The following ALKBH4 variants were observed in gnomAD, a reference collection of about 807,000 sequenced individuals.
The protein encoded by ALKBH4 is alkB homolog 4, lysine demethylase, also known as alpha-ketoglutarate-dependent dioxygenase alkB homolog 4.
A neutral mutation model predicts 12.1 loss-of-function variants in ALKBH4; 8 were observed. The observed-to-expected ratio is 0.66, with a 90% CI of 0.39 to 1.19. The LOEUF (loss-of-function observed/expected upper bound fraction) is 1.19, where lower values mean the gene tolerates loss of function less well. Among genes scored for constraint, ALKBH4 ranks in the 50% most tolerant of loss-of-function variants. The probability of loss-of-function intolerance (pLI) is 0.01; values close to 1 mark genes in which losing one functional copy is unlikely to be tolerated. For missense variants in ALKBH4, 403 were observed against 430.4 expected (o/e 0.94, Z 0.56); for synonymous variants, 195 against 191.6 (o/e 1.02, Z -0.15).
In ALKBH4 at chr7:102,457,029, G is replaced by A. The variant is rs1219938029; in HGVS notation, c.*365C>T. 6 of 170,588 alleles carry A rather than the reference G, an allele frequency of 3.5e-5. No homozygotes were observed. Among genetic ancestry groups the A allele is most frequent in the African/African-American group, 4.7e-5 (2 of 42,198 alleles). The allele number at this position is 170,588 out of a possible 1,614,324, so 10.6% of individuals were successfully genotyped here. A position where few individuals can be genotyped will look rare whatever the true frequency, so the allele number is the denominator to read the frequency against. ...GTTTTTGTAGAGACGGGTTTTCACC[G>A]TGTTGGCCAGGCTGGTCTCGAACTC... On this transcript the variant is annotated 3_prime_UTR_variant, in exon 3 of 3. Coordinates refer to ENST00000292566, the MANE Select transcript of ALKBH4 (RefSeq NM_017621.4). This position sits in a 1 kb window ranked among gnomAD's most constrained non-coding sequence, Gnocchi z 5.9.
Position 102,457,125 on chromosome 7 carries a change from G to A in ALKBH4, c.*269C>T, listed in dbSNP as rs760157754. ...ATTACAGGTGTGAGCCACTGTGCCCGGCCCCCAGTATTTTTTAAGCTCAAA... is the reference window on the plus strand; with the variant it reads ...ATTACAGGTGTGAGCCACTGTGCCCAGCCCCCAGTATTTTTTAAGCTCAAA... On this transcript the variant is annotated 3_prime_UTR_variant, in exon 3 of 3. Coordinates refer to ENST00000292566, the MANE Select transcript of ALKBH4 (RefSeq NM_017621.4). The surrounding 1 kb of genome is among the most constrained non-coding windows in gnomAD (Gnocchi z 5.9). 3.5e-5 allele frequency: 14 copies of A among 395,726 alleles called. No homozygotes were observed. The East Asian group carries it at 4.3e-4, about 12-fold the overall frequency. 24.5% of individuals were successfully genotyped at this position (395,726 alleles called of 1,614,324 possible). A position where few individuals can be genotyped will look rare whatever the true frequency, so the allele number is the denominator to read the frequency against.
chr7:102,464,048 C>G lies in ALKBH4; in HGVS notation c.123+666G>C, dbSNP rs1019332675. 5.1e-4 allele frequency among the ~76,000 whole-genome samples: 78 copies of G among 151,590 alleles called. 1 individual carries two copies. The highest frequency in any genetic ancestry group is 8.9e-4 in the Non-Finnish European group (60 of 67,680). On this transcript the variant is annotated intron_variant, in intron 1 of 2. Transcript: ENST00000292566. ...ATCTGTGATCAGACCTCCCCCCCCC[C>G]ACAACCTCTCCAGCCTCATCTCTCT...
chr7:102,457,480 C>A lies in ALKBH4; in HGVS notation c.823G>T (p.Ala275Ser). 2.5e-6 allele frequency: 4 copies of A among 1,613,490 alleles called. No homozygotes were observed. The highest frequency in any genetic ancestry group is 3.4e-6 in the Non-Finnish European group (4 of 1,180,030). The change falls in exon 3 of 3, where the codon GCT (alanine) becomes TCT (serine). Residue 275 changes from alanine to serine, a missense_variant. Ala to Ser is a moderately conservative substitution (Grantham distance 99). Transcript: ENST00000292566. This position sits in a 1 kb window ranked among gnomAD's most constrained non-coding sequence, Gnocchi z 5.9. ...RVCVTFRELS[A>S]EFGPGGRQQE... The stretch of plus-strand genomic sequence containing the variant: ...TGCCTCCCTCCAGGGCCAAACTCAG[C>A]CGACAGCTCCCGGAAAGTGACGCAG...
chr7:102,457,242 C>G lies in ALKBH4; in HGVS notation c.*152G>C. On this transcript the variant is annotated 3_prime_UTR_variant, in exon 3 of 3. Coordinates refer to ENST00000292566, the MANE Select transcript of ALKBH4 (RefSeq NM_017621.4). This position sits in a 1 kb window ranked among gnomAD's most constrained non-coding sequence, Gnocchi z 5.9. Reference sequence around the variant, plus strand: ...AAGGGGGCTGCCTGGAGGTACGTTCCCATCAAAACCTGCTCCTGGGCAGGG... The same window carrying G: ...AAGGGGGCTGCCTGGAGGTACGTTCGCATCAAAACCTGCTCCTGGGCAGGG... 3 of 860,270 alleles carry G rather than the reference C, an allele frequency of 3.5e-6. No homozygotes were observed. Among genetic ancestry groups the G allele is most frequent in the Non-Finnish European group, 5.3e-6 (3 of 569,670 alleles). 53.3% of individuals were successfully genotyped at this position (860,270 alleles called of 1,614,324 possible).
intron 2 of ALKBH4, 39 bp downstream of exon 2, chr7:102,459,565 C>T (rs528236868): frequency 5.9e-5 from 93 of 1,581,876 alleles, no homozygotes; most frequent in Middle Eastern, 5.1e-4. Flanking sequence ...GTCTCCTCAG[C>T]GCAGCCCAGC....
intron 1 of ALKBH4, among the ~76,000 whole-genome samples, chr7:102,463,625 C>T (rs753502678): frequency 6.6e-6 from 1 of 152,154 alleles, no homozygotes; most frequent in Non-Finnish European, 1.5e-5. Context: ...CCACTGAACC[C>T]GGCCCAGGTA....
intron 2 of ALKBH4, 38 bp downstream of exon 2, chr7:102,459,566 G>A (rs746720284): frequency 8.2e-6 from 13 of 1,581,662 alleles, no homozygotes; most frequent in South Asian, 2.3e-5. Flanking sequence ...TCTCCTCAGC[G>A]CAGCCCAGCA....
intron 1 of ALKBH4, 90 bp downstream of exon 1, chr7:102,464,624 G>T: frequency 7.0e-7 from 1 of 1,424,410 alleles, no homozygotes; most frequent in South Asian, 1.5e-5. Flanking sequence ...CACAGGCTTC[G>T]ATCCCGGCCC....
At chr7:102,464,319 A>G (rs928643362) in intron 1 of ALKBH4, among the ~76,000 whole-genome samples, 1 of 151,804 alleles carries the variant, frequency 6.6e-6, no homozygotes, top group Non-Finnish European at 1.5e-5. Flanking sequence ...CCTTTTCGTT[A>G]GTTAACTGGA....
At chr7:102,458,204 C>T (rs926955946) in intron 2 of ALKBH4, among the ~76,000 whole-genome samples, 3 of 152,040 alleles carry the variant, frequency 2.0e-5, no homozygotes, top group Admixed American at 6.6e-5. Context: ...AAGGCTGAGG[C>T]GGAGGGAGCT....
intron 1 of ALKBH4, among the ~76,000 whole-genome samples, chr7:102,464,043 C>A (rs527482765): frequency 5.3e-4 from 80 of 151,998 alleles, no homozygotes; most frequent in East Asian, 4.6e-3. Context: ...AGACCTCCCC[C>A]CCCCCACAAC....
At chr7:102,460,139 G>T (rs1797761448) in intron 1 of ALKBH4, among the ~76,000 whole-genome samples, 1 of 143,278 alleles carries the variant, frequency 7.0e-6, no homozygotes, top group Non-Finnish European at 1.5e-5. Context: ...GGGCGACAGA[G>T]TGAGACTCAA....
At chr7:102,460,348 AAAGG>A (rs761782566) in intron 1 of ALKBH4, among the ~76,000 whole-genome samples, 5,731 of 150,146 alleles carry the variant, frequency 0.038, 167 homozygotes, top group Non-Finnish European at 0.058. Context: ...GAAAAAAAAA[AAAGG>A]AAAGACACAT....
intron 2 of ALKBH4, 109 bp downstream of exon 2, chr7:102,459,495 A>G: frequency 7.2e-7 from 1 of 1,384,640 alleles, no homozygotes. Context: ...GCCCACTACC[A>G]ACCCTGGAGG....
Position 102,456,832 on chromosome 7 carries a change from CATTT to C in ALKBH4, c.*558_*561del, listed in dbSNP as rs1797663107. ...AGGTGAAAATCATTTAAAATGTTCC[CATTT>C]TTTTTTTTTTTCAAAACAGTCTTGC... is the stretch of plus-strand genomic sequence containing the variant. On this transcript the variant is annotated 3_prime_UTR_variant, in exon 3 of 3. Transcript: ENST00000292566. 1 of 151,692 alleles carries C rather than the reference CATTT, an allele frequency of 6.6e-6. No homozygotes were observed. 9.4% of individuals were successfully genotyped at this position (151,692 alleles called of 1,614,324 possible).
chr7:102,463,166 G>A (rs1053710445), intron 1 of ALKBH4, among the ~76,000 whole-genome samples: 1 of 151,672 alleles, frequency 6.6e-6, no homozygotes, highest in African/African-American at 2.4e-5. Context: ...GCCCATGCTG[G>A]TCTCAAACTC....
chr7:102,459,759 CGGCCCAGCCG>C lies in ALKBH4; in HGVS notation c.156_165del (p.Gly53TrpfsTer18). On this transcript the variant is annotated frameshift_variant, in exon 2 of 3. Coordinates refer to ENST00000292566, the MANE Select transcript of ALKBH4 (RefSeq NM_017621.4). LOFTEE classifies it high-confidence loss of function. ...TCAAAGTCAGACTCCTCTGTGCCCACGGCCCAGCCGGTGTCGGAGCAGTAAATGAAACGGT... is the reference window on the plus strand; with the variant it reads ...TCAAAGTCAGACTCCTCTGTGCCCACGTGTCGGAGCAGTAAATGAAACGGT... 1 of 1,611,654 alleles carries C rather than the reference CGGCCCAGCCG, an allele frequency of 6.2e-7. No individual in the cohort carries two copies. Among genetic ancestry groups the C allele is most frequent in the East Asian group, 2.2e-5 (1 of 44,840 alleles).
At chr7:102,458,239 G>A (rs1054046178) in intron 2 of ALKBH4, among the ~76,000 whole-genome samples, 5 of 152,118 alleles carry the variant, frequency 3.3e-5, no homozygotes, top group Non-Finnish European at 7.4e-5. Context: ...TTTGAGACCA[G>A]TCTGGGCAAC....
intron 1 of ALKBH4, among the ~76,000 whole-genome samples, chr7:102,460,562 T>G (rs992373402): frequency 3.3e-5 from 5 of 152,076 alleles, no homozygotes; most frequent in African/African-American, 7.2e-5. Flanking sequence ...CTCACTTTCC[T>G]CCCCTGTAAA....
Sources: gnomAD v4.1 joint callset for allele counts (sites outside exome capture counted in the v4.1 genomes callset) on GRCh38, gnomAD v4.1.1 for gene constraint, Gnocchi (gnomAD v3.1) non-coding constraint, MANE v1.5 for transcripts, NCBI Gene and HGNC (gene_info 2026-07-23, HGNC 2026-07-21) for gene names.